PPFIA2: variants seen among roughly 807,000 people sequenced by gnomAD.
PPFIA2 encodes the protein liprin-alpha-2.
A neutral mutation model predicts 175.5 loss-of-function variants in PPFIA2; 46 were observed. The ratio of observed to expected loss-of-function variants is 0.26; its 90% CI spans 0.21 to 0.34. PPFIA2 has a LOEUF of 0.34. Among genes scored for constraint, PPFIA2 ranks in the 10% least tolerant of loss-of-function variants. The probability of loss-of-function intolerance (pLI) is 1.00; values close to 1 mark genes in which losing one functional copy is unlikely to be tolerated. For synonymous variants in PPFIA2, 568 were observed against 511.4 expected (o/e 1.11, Z -1.49); for missense variants, 1,179 against 1,506.1 (o/e 0.78, Z 3.60).
intron 3 of PPFIA2, among the ~76,000 whole-genome samples, chr12:81,690,967 C>T (rs879329789): frequency 1.3e-5 from 2 of 152,068 alleles, no homozygotes; most frequent in Admixed American, 6.6e-5. Context: ...AGGACTCTTA[C>T]ATTGGATGCA....
intron 4 of PPFIA2, among the ~76,000 whole-genome samples, chr12:81,610,163 C>G (rs770727052): frequency 9.6e-4 from 146 of 152,106 alleles, no homozygotes; most frequent in South Asian, 1.0e-3. Flanking sequence ...TACTTTTGTA[C>G]CTGACTTGAC....
chr12:81,601,822 T>C (rs2059820155), intron 4 of PPFIA2, among the ~76,000 whole-genome samples: 1 of 151,906 alleles, frequency 6.6e-6, no homozygotes, highest in African/African-American at 2.4e-5. Flanking sequence ...TTAAGAGATT[T>C]AAATTACAGT....
intron 4 of PPFIA2, among the ~76,000 whole-genome samples, chr12:81,606,811 G>T (rs2060366918): frequency 6.6e-6 from 1 of 152,016 alleles, no homozygotes; most frequent in Non-Finnish European, 1.5e-5. Context: ...AAGCTCTTTA[G>T]TTTAATTAGG....
chr12:81,293,099 A>G (rs1164882722), intron 24 of PPFIA2, among the ~76,000 whole-genome samples: 2 of 152,008 alleles, frequency 1.3e-5, no homozygotes, highest in South Asian at 2.1e-4. Context: ...AAACTGCAAT[A>G]AAGTAATAAG....
chr12:81,555,494 C>T (rs2068691845), intron 4 of PPFIA2, among the ~76,000 whole-genome samples: 1 of 151,944 alleles, frequency 6.6e-6, no homozygotes, highest in African/African-American at 2.4e-5. Context: ...AGATATTATG[C>T]TTTATTATTC....
At chr12:81,429,906 C>T (rs143655974) in intron 7 of PPFIA2, 57 of 152,110 alleles carry the variant, frequency 3.7e-4, no homozygotes, top group African/African-American at 1.3e-3. Context: ...AAAATTTATT[C>T]GCTTAGTCTT....
intron 6 of PPFIA2, among the ~76,000 whole-genome samples, chr12:81,442,061 T>A (rs530436804): frequency 6.6e-6 from 1 of 152,236 alleles, no homozygotes; most frequent in South Asian, 2.1e-4. Context: ...TGTTCCAAAC[T>A]GTTTTCTATT....
intron 4 of PPFIA2, among the ~76,000 whole-genome samples, chr12:81,464,803 C>A (rs1454239827): frequency 2.6e-5 from 4 of 151,220 alleles, no homozygotes; most frequent in African/African-American, 7.3e-5. Flanking sequence ...CATTCTCAGA[C>A]AGACACAGAG....
At chr12:81,601,214 T>C (rs1405441316) in intron 4 of PPFIA2, among the ~76,000 whole-genome samples, 1 of 151,986 alleles carries the variant, frequency 6.6e-6, no homozygotes, top group South Asian at 2.1e-4. Flanking sequence ...AATGCTTTAT[T>C]CTAAATGTTA....
intron 6 of PPFIA2, among the ~76,000 whole-genome samples, chr12:81,444,016 A>G (rs937747774): frequency 1.3e-5 from 2 of 150,460 alleles, no homozygotes; most frequent in African/African-American, 2.4e-5. Flanking sequence ...CACCACGCCC[A>G]GCTAATTTTT....
rs376695052 is a variant in PPFIA2, at chr12:81,676,606, T to C, written c.303+185A>G. On this transcript the variant is annotated intron_variant, in intron 4 of 32. Coordinates refer to ENST00000549396, the MANE Select transcript of PPFIA2 (RefSeq NM_003625.5). ...ATAAATTTTTATGAGTTGTTAAAAC[T>C]TTTTAATAAAAACACCAGCCCACAC... 72 of 378,610 alleles carry C rather than the reference T, an allele frequency of 1.9e-4. No individual in the cohort carries two copies. The Middle Eastern group carries it at 2.2e-3, about 11-fold the overall frequency. The allele number at this position is 378,610 out of a possible 1,614,324, so 23.5% of individuals were successfully genotyped here. A position where few individuals can be genotyped will look rare whatever the true frequency, so the allele number is the denominator to read the frequency against.
At chr12:81,360,082 T>C (rs540705122) in intron 15 of PPFIA2, among the ~76,000 whole-genome samples, 1 of 151,942 alleles carries the variant, frequency 6.6e-6, no homozygotes, top group Non-Finnish European at 1.5e-5. Context: ...TTTTAAGGTC[T>C]CAGTTTAAAA....
chr12:81,392,576 C>T (rs1377365277), intron 8 of PPFIA2, among the ~76,000 whole-genome samples: 1 of 151,774 alleles, frequency 6.6e-6, no homozygotes, highest in Non-Finnish European at 1.5e-5. Flanking sequence ...TTCACCCCTG[C>T]CATATTATAT....
At chr12:81,713,752 T>A (rs979704842) in intron 3 of PPFIA2, among the ~76,000 whole-genome samples, 9 of 151,216 alleles carry the variant, frequency 6.0e-5, no homozygotes, top group African/African-American at 2.2e-4. Flanking sequence ...AATTTTACTC[T>A]TGGGTTAACC....
intron 4 of PPFIA2, among the ~76,000 whole-genome samples, chr12:81,672,289 T>A (rs567804802): frequency 6.6e-6 from 1 of 152,124 alleles, no homozygotes; most frequent in African/African-American, 2.4e-5. Context: ...TTTTGAATAA[T>A]CAAATTAAAA....
chr12:81,746,590 T>C (rs2083096802), intron 3 of PPFIA2, among the ~76,000 whole-genome samples: 1 of 144,198 alleles, frequency 6.9e-6, no homozygotes, highest in Non-Finnish European at 1.6e-5. Flanking sequence ...AAGGGACTTT[T>C]TTGTTGTTAA....
Position 81,455,973 on chromosome 12 carries a change from A to G in PPFIA2, c.405+1792T>C, listed in dbSNP as rs187259601. Among the ~76,000 whole-genome samples, 20 of 152,322 alleles carry G rather than the reference A, an allele frequency of 1.3e-4. No homozygotes were observed. In the East Asian group the frequency reaches 3.9e-3, roughly 29 times the overall value. On this transcript the variant is annotated intron_variant, in intron 5 of 32. Transcript: ENST00000549396. The stretch of plus-strand genomic sequence containing the variant: ...TAAGGGGCTGAAGAAAAAAGGCTAG[A>G]TGAACCTACACAGCTAATAAAAGAG...
chr12:81,709,533 CAT>C (rs1485166396), intron 3 of PPFIA2, among the ~76,000 whole-genome samples: 1 of 151,952 alleles, frequency 6.6e-6, no homozygotes, highest in Non-Finnish European at 1.5e-5. Context: ...TACACACACA[CAT>C]AGACTCACAA....
intron 22 of PPFIA2, among the ~76,000 whole-genome samples, chr12:81,325,130 A>T (rs1266434293): frequency 6.6e-6 from 1 of 152,044 alleles, no homozygotes; most frequent in East Asian, 1.9e-4. Context: ...AGAGAAATTG[A>T]TTTACATTTA....
Sources: allele counts gnomAD v4.1 joint callset (sites outside exome capture counted in the v4.1 genomes callset), GRCh38; gene constraint gnomAD v4.1.1; transcripts MANE v1.5; gene names NCBI Gene and HGNC (gene_info 2026-07-23, HGNC 2026-07-21).